The following ACOXL variants were observed in gnomAD, a reference collection of about 807,000 sequenced individuals.
ACOXL encodes the protein acyl-CoA oxidase like.
In ACOXL, 70 loss-of-function variants were observed where a neutral mutation model predicts 71.9. That is an observed-to-expected ratio of 0.97 (90% confidence interval 0.80 to 1.19). The LOEUF (loss-of-function observed/expected upper bound fraction) is 1.19. ACOXL is among the 50% of genes most tolerant of loss of function. The pLI is 0.00. For missense variants in ACOXL, 703 were observed against 736.3 expected (o/e 0.95, Z 0.52); for synonymous variants, 253 against 281.6 (o/e 0.90, Z 1.02).
intron 10 of ACOXL, among the ~76,000 whole-genome samples, chr2:110,874,356 C>T (rs1189551525): frequency 6.6e-6 from 1 of 152,140 alleles, no homozygotes; most frequent in Non-Finnish European, 1.5e-5. Context: ...CCACCCCCAC[C>T]CCAGCCCCTG....
At chr2:110,821,819 T>A (rs1237135808) in intron 9 of ACOXL, among the ~76,000 whole-genome samples, 1 of 152,202 alleles carries the variant, frequency 6.6e-6, no homozygotes, top group African/African-American at 2.4e-5. Flanking sequence ...GATATTTAAT[T>A]TATACTTTGG....
chr2:111,035,471 G>A (rs1320181521), intron 15 of ACOXL, among the ~76,000 whole-genome samples: 1 of 152,156 alleles, frequency 6.6e-6, no homozygotes, highest in Non-Finnish European at 1.5e-5. Flanking sequence ...AAACAAAAAA[G>A]GAGAAAGGAG....
In ACOXL at chr2:110,747,374, G is replaced by T. The variant is rs1678359304; in HGVS notation, c.-23+14600G>T. On this transcript the variant is annotated intron_variant, in intron 1 of 17. Coordinates refer to ENST00000439055, the MANE Select transcript of ACOXL (RefSeq NM_001142807.4). ...GCCAGCAGACTCAGCCATCCCATGG[G>T]CAGAGTGCAGCCTCAGGAGGGAGTC... Among the ~76,000 whole-genome samples, 2 of 152,152 alleles carry T rather than the reference G, an allele frequency of 1.3e-5. 1 individual carries two copies. The highest frequency in any genetic ancestry group is 1.3e-4 in the Admixed American group (2 of 15,278).
intron 12 of ACOXL, among the ~76,000 whole-genome samples, chr2:110,959,359 C>T (rs938344848): frequency 6.6e-6 from 1 of 152,166 alleles, no homozygotes; most frequent in Non-Finnish European, 1.5e-5. Flanking sequence ...CCTGTGGATC[C>T]CACTCAGCAT....
intron 14 of ACOXL, chr2:111,017,827 G>C (rs965809032): frequency 6.6e-6 from 1 of 152,196 alleles, no homozygotes; most frequent in Non-Finnish European, 1.5e-5. Flanking sequence ...GGTTTGGTTA[G>C]TGGTATTGTA....
intron 15 of ACOXL, among the ~76,000 whole-genome samples, chr2:111,048,423 A>G (rs2066124739): frequency 6.6e-6 from 1 of 152,220 alleles, no homozygotes. Context: ...GTGGTTTTAA[A>G]TCTGAGGGTG....
chr2:110,797,919 C>T (rs543920628), intron 5 of ACOXL, among the ~76,000 whole-genome samples: 2 of 152,280 alleles, frequency 1.3e-5, no homozygotes, highest in African/African-American at 2.4e-5. Context: ...TTGAAGAAAG[C>T]CTTTATACAT....
At chr2:111,049,403 C>T in intron 16 of ACOXL, 115 bp downstream of exon 16, 1 of 807,770 alleles carries the variant, frequency 1.2e-6, no homozygotes, top group Non-Finnish European at 2.0e-6. Flanking sequence ...ATCGTGTGCT[C>T]CAGGGGGATA....
chr2:110,765,156 A>G (rs1031703411), intron 1 of ACOXL, among the ~76,000 whole-genome samples: 3 of 152,128 alleles, frequency 2.0e-5, no homozygotes, highest in South Asian at 2.1e-4. Flanking sequence ...TGTCATTCCA[A>G]TGGTTTTCCC....
intron 12 of ACOXL, among the ~76,000 whole-genome samples, chr2:110,983,433 T>G (rs2062801672): frequency 6.6e-6 from 1 of 152,260 alleles, no homozygotes; most frequent in Non-Finnish European, 1.5e-5. Flanking sequence ...GGCTGTAGAT[T>G]TGCTTGATTC....
intron 9 of ACOXL, among the ~76,000 whole-genome samples, chr2:110,815,514 A>G (rs1049826656): frequency 4.9e-4 from 74 of 152,362 alleles, no homozygotes; most frequent in African/African-American, 1.7e-3. Flanking sequence ...ACTTCAATAC[A>G]GGGACCTTAG....
chr2:110,831,374 A>G (rs1231043464), intron 9 of ACOXL, among the ~76,000 whole-genome samples: 3 of 152,234 alleles, frequency 2.0e-5, no homozygotes, highest in African/African-American at 7.2e-5. Flanking sequence ...TTGCTCAAAA[A>G]ATACATATAA....
rs541920311 is a variant in ACOXL, at chr2:110,825,522, C to T, written c.754-15849C>T. On this transcript the variant is annotated intron_variant, in intron 9 of 17. Coordinates refer to ENST00000439055, the MANE Select transcript of ACOXL (RefSeq NM_001142807.4). ...CTCACACTGCCACACCAGAAGTGGA[C>T]GTCCTCCGGCTTTTTTCACTGAACA... Among the ~76,000 whole-genome samples, 7 of 152,214 alleles carry T rather than the reference C, an allele frequency of 4.6e-5. No individual in the cohort carries two copies. The South Asian group carries it at 1.5e-3, about 32-fold the overall frequency.
At chr2:110,956,793 G>A (rs1410547507) in intron 12 of ACOXL, among the ~76,000 whole-genome samples, 2 of 152,166 alleles carry the variant, frequency 1.3e-5, no homozygotes, top group African/African-American at 2.4e-5. Flanking sequence ...GAAAAATTCA[G>A]TGATGTTAAA....
At chr2:110,751,407 A>G (rs906806775) in intron 1 of ACOXL, among the ~76,000 whole-genome samples, 1 of 151,956 alleles carries the variant, frequency 6.6e-6, no homozygotes, top group African/African-American at 2.4e-5. Context: ...ACATGCTACT[A>G]TACTTGCTTT....
At chr2:111,021,061 C>G (rs1237241041) in intron 14 of ACOXL, among the ~76,000 whole-genome samples, 3 of 152,190 alleles carry the variant, frequency 2.0e-5, no homozygotes, top group Non-Finnish European at 4.4e-5. Context: ...CCTCCCTAGA[C>G]AGGGACTATT....
chr2:111,078,726 T>A (rs1435632225), intron 16 of ACOXL, among the ~76,000 whole-genome samples: 1 of 152,256 alleles, frequency 6.6e-6, no homozygotes, highest in Non-Finnish European at 1.5e-5. Flanking sequence ...ATTGACCTTT[T>A]TCATGCAAGC....
intron 10 of ACOXL, among the ~76,000 whole-genome samples, chr2:110,889,322 A>G (rs1697675645): frequency 6.6e-6 from 1 of 152,160 alleles, no homozygotes; most frequent in South Asian, 2.1e-4. Flanking sequence ...AATTTTTTTT[A>G]AAACAACAGC....
intron 9 of ACOXL, among the ~76,000 whole-genome samples, chr2:110,806,006 C>T (rs901533950): frequency 6.6e-6 from 1 of 152,240 alleles, no homozygotes; most frequent in Non-Finnish European, 1.5e-5. Context: ...GAAAAGCCTG[C>T]TTTAAACTCC....
Sources: allele counts gnomAD v4.1 joint callset (sites outside exome capture counted in the v4.1 genomes callset), GRCh38; gene constraint gnomAD v4.1.1; transcripts MANE v1.5; gene names NCBI Gene and HGNC (gene_info 2026-07-23, HGNC 2026-07-21).